The following EXOC4 variants were observed in gnomAD, a reference collection of about 807,000 sequenced individuals.
EXOC4 encodes the protein exocyst complex component 4.
A neutral mutation model predicts 107.2 loss-of-function variants in EXOC4; 71 were observed. The ratio of observed to expected loss-of-function variants is 0.66; its 90% confidence interval spans 0.55 to 0.81. EXOC4 has a LOEUF of 0.81. Among genes scored for constraint, EXOC4 ranks in the 30% least tolerant of loss-of-function variants. The probability of loss-of-function intolerance (pLI) is 0.00; values close to 1 mark genes in which losing one functional copy is unlikely to be tolerated. For synonymous variants in EXOC4, 456 were observed against 441.2 expected (o/e 1.03, Z -0.42); for missense variants, 1,108 against 1,189.6 (o/e 0.93, Z 1.01).
intron 10 of EXOC4, among the ~76,000 whole-genome samples, chr7:133,701,528 A>G (rs560880659): frequency 5.8e-4 from 89 of 152,190 alleles, no homozygotes; most frequent in Non-Finnish European, 1.2e-3. Flanking sequence ...ACCTGAATCC[A>G]TAGATAGTGC....
At chr7:133,608,745 T>TA (rs1211936375) in intron 9 of EXOC4, among the ~76,000 whole-genome samples, 3 of 151,622 alleles carry the variant, frequency 2.0e-5, no homozygotes, top group African/African-American at 7.3e-5. Flanking sequence ...GACAGGGTTT[T>TA]ACCATGTTGG....
At chr7:133,606,139 G>A (rs982518378) in intron 9 of EXOC4, among the ~76,000 whole-genome samples, 5 of 152,080 alleles carry the variant, frequency 3.3e-5, no homozygotes, top group African/African-American at 1.2e-4. Flanking sequence ...GAGTGAAAGC[G>A]AGGGCCTGAG....
At chr7:133,864,697 G>A (rs79247813) in intron 11 of EXOC4, among the ~76,000 whole-genome samples, 2,358 of 152,210 alleles carry the variant, frequency 0.015, 60 homozygotes, top group African/African-American at 0.053. Context: ...TAAAACTTTG[G>A]ATTTTGTGAG....
At chr7:134,038,247 C>G (rs540315682) in intron 17 of EXOC4, among the ~76,000 whole-genome samples, 1 of 152,202 alleles carries the variant, frequency 6.6e-6, no homozygotes, top group Non-Finnish European at 1.5e-5. Context: ...AACTTTCACA[C>G]GGCAAATTGA....
At chr7:133,566,758 A>G (rs565845201) in intron 9 of EXOC4, among the ~76,000 whole-genome samples, 14 of 152,336 alleles carry the variant, frequency 9.2e-5, no homozygotes, top group Non-Finnish European at 2.1e-4. Flanking sequence ...CTCAATAAAT[A>G]TTTGTGGAAA....
intron 9 of EXOC4, among the ~76,000 whole-genome samples, chr7:133,610,758 T>C (rs1043462330): frequency 6.6e-6 from 1 of 152,034 alleles, no homozygotes; most frequent in African/African-American, 2.4e-5. Context: ...GCATTTATAA[T>C]GTCCTTTATA....
chr7:133,310,458 C>G (rs150846963), intron 4 of EXOC4, among the ~76,000 whole-genome samples: 514 of 152,276 alleles, frequency 3.4e-3, no homozygotes, highest in Admixed American at 6.3e-3. Flanking sequence ...AAAAAAAATT[C>G]GTTTCATTAT....
chr7:133,610,031 A>G (rs1214870808), intron 9 of EXOC4, among the ~76,000 whole-genome samples: 1 of 152,200 alleles, frequency 6.6e-6, no homozygotes, highest in African/African-American at 2.4e-5. Flanking sequence ...TTATTGTTTC[A>G]TAATCACCTG....
intron 10 of EXOC4, among the ~76,000 whole-genome samples, chr7:133,669,134 C>T (rs1044731471): frequency 1.1e-4 from 16 of 151,920 alleles, no homozygotes; most frequent in African/African-American, 3.9e-4. Context: ...TCCCCATTAC[C>T]ACTACCAGCA....
At chr7:133,276,788 G>C (rs1794003926) in intron 2 of EXOC4, among the ~76,000 whole-genome samples, 1 of 152,098 alleles carries the variant, frequency 6.6e-6, no homozygotes, top group Non-Finnish European at 1.5e-5. Flanking sequence ...TTCATGTTTT[G>C]TTTTCTGTCC....
intron 11 of EXOC4, among the ~76,000 whole-genome samples, chr7:133,890,499 A>G (rs950200371): frequency 3.6e-5 from 5 of 140,264 alleles, no homozygotes; most frequent in African/African-American, 1.5e-4. Flanking sequence ...GTCCTTGCCC[A>G]CGCCTATGTC....
intron 11 of EXOC4, among the ~76,000 whole-genome samples, chr7:133,861,754 G>A (rs563568795): frequency 7.9e-5 from 12 of 152,138 alleles, no homozygotes; most frequent in African/African-American, 2.6e-4. Context: ...GGCTGGTCTC[G>A]AACTCCTGAA....
chr7:133,774,304 G>T (rs1796302975), intron 10 of EXOC4, among the ~76,000 whole-genome samples: 2 of 152,150 alleles, frequency 1.3e-5, no homozygotes, highest in South Asian at 4.1e-4. Context: ...AATGAATGCA[G>T]CCTCCTTACC....
chr7:133,300,720 A>G (rs541027368), intron 3 of EXOC4, among the ~76,000 whole-genome samples: 22 of 152,092 alleles, frequency 1.4e-4, no homozygotes, highest in Non-Finnish European at 2.9e-4. Context: ...TATAAAGGCT[A>G]CAATGTACTG....
At chr7:133,770,491 G>A (rs199644285) in intron 10 of EXOC4, among the ~76,000 whole-genome samples, 3 of 151,884 alleles carry the variant, frequency 2.0e-5, no homozygotes, top group Non-Finnish European at 4.4e-5. Context: ...TGGTGGTTTT[G>A]TTTGTAAACA....
chr7:133,605,721 G>A (rs938181763), intron 9 of EXOC4, among the ~76,000 whole-genome samples: 5 of 152,112 alleles, frequency 3.3e-5, no homozygotes, highest in South Asian at 2.1e-4. Context: ...GTTGAAAACC[G>A]AAGTCTGGAG....
At chr7:133,650,937 G>GTTTTTTATTT (rs1803130565) in intron 10 of EXOC4, among the ~76,000 whole-genome samples, 1 of 88,694 alleles carries the variant, frequency 1.1e-5, no homozygotes, top group Non-Finnish European at 2.2e-5. Flanking sequence ...AGATTGGTCA[G>GTTTTTTATTT]TTTTTTTTTT....
rs569403919 is a variant in EXOC4, at chr7:133,266,334, G to A, written c.87-8648G>A. Reference sequence around the variant, plus strand: ...TTTGTAGGCTGTGTATCCAAATACAGTAACAGTGAGAGTCAGAGATTCAAC... The same window carrying A: ...TTTGTAGGCTGTGTATCCAAATACAATAACAGTGAGAGTCAGAGATTCAAC... On this transcript the variant is annotated intron_variant, in intron 1 of 17. Coordinates refer to ENST00000253861, the MANE Select transcript of EXOC4 (RefSeq NM_021807.4). Among the ~76,000 whole-genome samples the A allele has an allele frequency of 1.1e-3, 170 of 152,228 alleles. 8 individuals carry two copies. The South Asian group carries it at 0.033, about 30-fold the overall frequency.
intron 12 of EXOC4, among the ~76,000 whole-genome samples, chr7:133,905,624 CATTA>C (rs764060775): frequency 3.3e-5 from 5 of 152,260 alleles, no homozygotes; most frequent in Non-Finnish European, 5.9e-5. Flanking sequence ...ACTATCAGTT[CATTA>C]ATCAATTTTT....
Sources: allele counts gnomAD v4.1 joint callset (sites outside exome capture counted in the v4.1 genomes callset), GRCh38; gene constraint gnomAD v4.1.1; transcripts MANE v1.5; gene names NCBI Gene and HGNC (gene_info 2026-07-23, HGNC 2026-07-21).